The following LGSN variants were observed in gnomAD, a reference collection of about 807,000 sequenced individuals.
LGSN encodes the protein lengsin.
In LGSN, 21 loss-of-function variants were observed where a neutral mutation model predicts 19.5. The ratio of observed to expected loss-of-function variants is 1.07; its 90% CI spans 0.76 to 1.55. The LOEUF (loss-of-function observed/expected upper bound fraction) is 1.55, where lower values mean the gene tolerates loss of function less well. Ranked by LOEUF, LGSN falls within the 40% of genes most tolerant of loss-of-function variation. The pLI, the probability that LGSN is intolerant of heterozygous loss-of-function variation, is 0.00. For missense variants in LGSN, 673 were observed against 608.5 expected (o/e 1.11, Z -1.12); for synonymous variants, 257 against 215.6 (o/e 1.19, Z -1.68).
chr6:63,441,347 C>G, the LGSN span: 1 of 479,134 alleles, frequency 2.1e-6, no homozygotes, highest in South Asian at 1.8e-5. Flanking sequence ...ACCTGGCTCT[C>G]CTCAACAACA....
intron 2 of LGSN, among the ~76,000 whole-genome samples, chr6:63,287,862 T>G (rs2127384611): frequency 6.6e-6 from 1 of 152,190 alleles, no homozygotes; most frequent in East Asian, 1.9e-4. Flanking sequence ...GTCTTACTAG[T>G]TTTTTGCTTT....
At chr6:63,456,365 A>ATATATACTTTTTTTTTTTTTT in the LGSN span, among the ~76,000 whole-genome samples, 4 of 31,334 alleles carry the variant, frequency 1.3e-4, no homozygotes, top group Admixed American at 3.4e-4. Context: ...ATATATATAT[A>ATATATACTTTTTTTTTTTTTT]TATATATATA....
chr6:63,317,427 T>C (rs1171605145), intron 1 of LGSN, among the ~76,000 whole-genome samples: 3 of 152,202 alleles, frequency 2.0e-5, no homozygotes, highest in Non-Finnish European at 4.4e-5. Context: ...CTTAATCCAC[T>C]GCCCTTGAAA....
the LGSN span, among the ~76,000 whole-genome samples, chr6:63,379,297 A>G: frequency 1.1e-4 from 17 of 152,280 alleles, no homozygotes; most frequent in Middle Eastern, 3.4e-3. Flanking sequence ...AGGGGATACC[A>G]TGAGGCCTGA....
the LGSN span, among the ~76,000 whole-genome samples, chr6:63,420,112 A>T: frequency 6.6e-6 from 1 of 151,200 alleles, no homozygotes; most frequent in African/African-American, 2.4e-5. Flanking sequence ...CTGAGGCAGG[A>T]GAATGGCGTG....
the LGSN span, among the ~76,000 whole-genome samples, chr6:63,464,534 T>A: frequency 0.48 from 71,569 of 148,422 alleles, 18,713 homozygotes; most frequent in Non-Finnish European, 0.57. Context: ...ATGGAAAAAA[T>A]ATATATATAT....
chr6:63,316,988 G>A (rs1268156437), intron 1 of LGSN, among the ~76,000 whole-genome samples: 1 of 152,016 alleles, frequency 6.6e-6, no homozygotes, highest in South Asian at 2.1e-4. Context: ...AATAGTTCTA[G>A]TCATTGTGCC....
intron 2 of LGSN, 148 bp from the exon 3 acceptor site, chr6:63,285,901 T>G: frequency 1.5e-6 from 1 of 645,672 alleles, no homozygotes; most frequent in Non-Finnish European, 2.7e-6. Flanking sequence ...ATATCTTACC[T>G]TTCTTATTCT....
At chr6:63,318,892 T>C (rs980742489) in intron 1 of LGSN, among the ~76,000 whole-genome samples, 5 of 152,222 alleles carry the variant, frequency 3.3e-5, no homozygotes, top group Non-Finnish European at 7.3e-5. Context: ...CTTTACTTTC[T>C]TTCTATAAGC....
At chr6:63,403,081 G>T in the LGSN span, among the ~76,000 whole-genome samples, 1 of 147,216 alleles carries the variant, frequency 6.8e-6, no homozygotes. Flanking sequence ...ATAGATAGAT[G>T]ATAGAGAGAG....
At chr6:63,358,815 A>G in the LGSN span, among the ~76,000 whole-genome samples, 2 of 152,050 alleles carry the variant, frequency 1.3e-5, no homozygotes, top group South Asian at 4.1e-4. Context: ...CTTATTGAAT[A>G]CCCTTTATTT....
the LGSN span, among the ~76,000 whole-genome samples, chr6:63,445,021 G>A: frequency 6.6e-6 from 1 of 152,296 alleles, no homozygotes; most frequent in African/African-American, 2.4e-5. Flanking sequence ...TCTTGTATAA[G>A]AATCTCATAG....
At chr6:63,319,297 C>G (rs536807729) in intron 1 of LGSN, among the ~76,000 whole-genome samples, 1 of 152,312 alleles carries the variant, frequency 6.6e-6, no homozygotes, top group Non-Finnish European at 1.5e-5. Flanking sequence ...AAAGATAACT[C>G]ACATCCTCCC....
At chr6:63,390,729 G>A in the LGSN span, among the ~76,000 whole-genome samples, 2 of 151,336 alleles carry the variant, frequency 1.3e-5, no homozygotes, top group East Asian at 3.9e-4. Flanking sequence ...CGAGGTGGCG[G>A]GTGCCTGTAG....
the LGSN span, among the ~76,000 whole-genome samples, chr6:63,357,045 T>C: frequency 7.1e-6 from 1 of 140,798 alleles, no homozygotes; most frequent in Non-Finnish European, 1.5e-5. Context: ...TGTGTTCTCA[T>C]TGTTCAATTC....
At chr6:63,309,218 G>T (rs927761444) in intron 1 of LGSN, among the ~76,000 whole-genome samples, 3 of 152,148 alleles carry the variant, frequency 2.0e-5, no homozygotes, top group Non-Finnish European at 4.4e-5. Flanking sequence ...GATCACCTGA[G>T]GTCAGGAGTT....
At chr6:63,514,801 A>G in the LGSN span, among the ~76,000 whole-genome samples, 1 of 152,084 alleles carries the variant, frequency 6.6e-6, no homozygotes, top group Non-Finnish European at 1.5e-5. Context: ...CCTGGGCTCC[A>G]GTGATCCTCC....
the LGSN span, among the ~76,000 whole-genome samples, chr6:63,516,725 T>G: frequency 1.3e-5 from 2 of 152,212 alleles, no homozygotes; most frequent in African/African-American, 4.8e-5. Flanking sequence ...ATCTGAGTTT[T>G]GGGATATATG....
the LGSN span, chr6:63,441,484 C>G: frequency 4.6e-6 from 2 of 431,270 alleles, no homozygotes; most frequent in East Asian, 1.1e-4. Context: ...GCCATGGAAA[C>G]AGCATGCAAA....
Sources: allele counts gnomAD v4.1 joint callset (sites outside exome capture counted in the v4.1 genomes callset), GRCh38; gene constraint gnomAD v4.1.1; transcripts MANE v1.5; gene names NCBI Gene and HGNC (gene_info 2026-07-23, HGNC 2026-07-21).